RAB19: variants seen among roughly 807,000 people sequenced by gnomAD.
The protein encoded by RAB19 is ras-related protein Rab-19.
In RAB19, 21 loss-of-function variants were observed where a neutral mutation model predicts 17.3. The observed-to-expected ratio is 1.21, with a 90% CI of 0.86 to 1.74. RAB19 has a LOEUF of 1.74. Ranked by LOEUF, RAB19 falls within the 40% of genes most tolerant of loss-of-function variation. The probability of loss-of-function intolerance (pLI) is 0.00; values close to 1 mark genes in which losing one functional copy is unlikely to be tolerated. For missense variants in RAB19, 277 were observed against 286.8 expected (o/e 0.97, Z 0.25); for synonymous variants, 126 against 110.4 (o/e 1.14, Z -0.88).
chr7:140,408,624 C>T (rs1799293688), intron 2 of RAB19, among the ~76,000 whole-genome samples: 1 of 151,944 alleles, frequency 6.6e-6, no homozygotes, highest in African/African-American at 2.4e-5. Context: ...TACAGGTGCA[C>T]ACCACCACAC....
At chr7:140,405,550 C>T (rs9640468) in intron 1 of RAB19, among the ~76,000 whole-genome samples, 92,738 of 147,524 alleles carry the variant, frequency 0.63, 28,751 homozygotes, top group East Asian at 0.81. Flanking sequence ...TAGAGATGGG[C>T]GGGGAGGGGG....
At chr7:140,406,508 T>G (rs947442749) in intron 1 of RAB19, among the ~76,000 whole-genome samples, 1 of 151,096 alleles carries the variant, frequency 6.6e-6, no homozygotes, top group African/African-American at 2.4e-5. Flanking sequence ...GGTGTGGTAG[T>G]GCAGGTCTAT....
chr7:140,424,540 A>G (rs978441901), intron 3 of RAB19, among the ~76,000 whole-genome samples: 1 of 151,254 alleles, frequency 6.6e-6, no homozygotes, highest in Non-Finnish European at 1.5e-5. Context: ...GTTATACAAG[A>G]TATTACCATT....
intron 3 of RAB19, among the ~76,000 whole-genome samples, chr7:140,421,506 C>T (rs908545142): frequency 6.6e-6 from 1 of 152,082 alleles, no homozygotes; most frequent in African/African-American, 2.4e-5. Flanking sequence ...ATTACAGGCA[C>T]GTGCCACTAC....
Position 140,412,051 on chromosome 7 carries a change from C to A in RAB19, c.379C>A (p.Leu127Met), listed in dbSNP as rs1269620334. 1 of 1,610,818 alleles carries A rather than the reference C, an allele frequency of 6.2e-7. No individual in the cohort carries two copies. The highest frequency in any genetic ancestry group is 8.5e-7 in the Non-Finnish European group (1 of 1,179,854). Residue 127 changes from leucine to methionine, a missense_variant, in exon 3 of 4, where the codon CTG (leucine) becomes ATG (methionine). Leu to Met is a conservative substitution (Grantham distance 15, BLOSUM62 2). Coordinates refer to ENST00000537763, the MANE Select transcript of RAB19 (RefSeq NM_001008749.3). ...TGGAGCTGCAAATGTGGTCATTATG[C>A]TGATTGGTATGGCATTTTTGAAGTT... ...KYGAANVVIM[L>M]IGNKCDLWEK...
chr7:140,406,175 G>A (rs1270264749), intron 1 of RAB19, among the ~76,000 whole-genome samples: 2 of 150,100 alleles, frequency 1.3e-5, no homozygotes, highest in African/African-American at 4.9e-5. Flanking sequence ...CCCAGGAGGC[G>A]GAGGTTGCAG....
intron 1 of RAB19, among the ~76,000 whole-genome samples, chr7:140,405,699 TA>T (rs1426793656): frequency 6.9e-6 from 1 of 144,906 alleles, no homozygotes; most frequent in Non-Finnish European, 1.5e-5. Flanking sequence ...ATTTTAAAGT[TA>T]AAAACACAAA....
rs1214664750 is a variant in RAB19 at position 140,412,055 on chromosome 7, T to C, written c.383T>C (p.Ile128Thr). 3.1e-6 allele frequency: 5 copies of C among 1,610,200 alleles called. No individual in the cohort carries two copies. The highest frequency in any genetic ancestry group is 3.4e-6 in the Non-Finnish European group (4 of 1,179,746). The change falls in exon 3 of 4, where the codon ATT (isoleucine) becomes ACT (threonine). Residue 128 changes from isoleucine to threonine, a missense_variant and splice_region_variant. Ile to Thr is a moderately conservative substitution (Grantham distance 89). Coordinates refer to ENST00000537763, the MANE Select transcript of RAB19 (RefSeq NM_001008749.3). ...GCTGCAAATGTGGTCATTATGCTGA[T>C]TGGTATGGCATTTTTGAAGTTTTTA... Reference protein sequence around the residue: ...YGAANVVIMLIGNKCDLWEKR... With the variant: ...YGAANVVIMLTGNKCDLWEKR...
intron 3 of RAB19, among the ~76,000 whole-genome samples, chr7:140,415,524 G>T (rs2130126685): frequency 6.6e-6 from 1 of 152,214 alleles, no homozygotes; most frequent in Non-Finnish European, 1.5e-5. Flanking sequence ...TCAGAGTTCA[G>T]AATTTGTCAG....
rs1052749942 is a variant in RAB19 at position 140,426,948 on chromosome 7, T to A, written c.*798T>A. Among the ~76,000 whole-genome samples, 2 of 150,360 alleles carry A rather than the reference T, an allele frequency of 1.3e-5. No homozygotes were observed. The highest frequency in any genetic ancestry group is 4.9e-5 in the African/African-American group (2 of 40,754). On this transcript the variant is annotated 3_prime_UTR_variant, in exon 4 of 4. Coordinates refer to ENST00000537763, the MANE Select transcript of RAB19 (RefSeq NM_001008749.3). ...CCTCTACCTCCTGGGTTCAAGAGGT[T>A]CTCCCACCTCAGTCTCCCAAGTGGC...
chr7:140,427,165 G>T lies in RAB19; in HGVS notation c.*1015G>T, dbSNP rs1165093167. ...TCTTTTTTTTTTTTTTTTTTTTTGA[G>T]ACTGAGTCTCACTCTGTCACTCAGG... is the stretch of plus-strand genomic sequence containing the variant. On this transcript the variant is annotated 3_prime_UTR_variant, in exon 4 of 4. Transcript: ENST00000537763. Among the ~76,000 whole-genome samples the T allele has an allele frequency of 2.9e-5, 3 of 102,058 alleles. No homozygotes were observed. The highest frequency in any genetic ancestry group is 1.3e-4 in the Admixed American group (1 of 7,906). The allele number at this position is 102,058 out of a possible 152,430, so 67.0% of individuals were successfully genotyped here.
Position 140,417,403 on chromosome 7 carries a change from T to TAAA in RAB19, c.385+5360_385+5362dup, listed in dbSNP as rs35477728. Among the ~76,000 whole-genome samples the TAAA allele has an allele frequency of 4.1e-3, 590 of 143,622 alleles. 3 individuals carry two copies. Among genetic ancestry groups the TAAA allele is most frequent in the African/African-American group, 0.015 (565 of 38,886 alleles). 94.2% of individuals were successfully genotyped at this position (143,622 alleles called of 152,430 possible). A position where few individuals can be genotyped will look rare whatever the true frequency, so the allele number is the denominator to read the frequency against. ...GGTAACAGATGGAGACCCTATCTCT[T>TAAA]AAAAAAAAAAAAAAAATCAAATCCA... On this transcript the variant is annotated intron_variant, in intron 3 of 3. Transcript: ENST00000537763.
At chr7:140,418,495 G>C (rs1799501617) in intron 3 of RAB19, among the ~76,000 whole-genome samples, 2 of 150,346 alleles carry the variant, frequency 1.3e-5, no homozygotes, top group South Asian at 2.1e-4. Context: ...AGAATTGCTT[G>C]AACCCGGGAG....
rs375663345 is a variant in RAB19, at chr7:140,407,860, C to A, written c.201+13C>A. The A allele has an allele frequency of 2.0e-6, 3 of 1,468,116 alleles. No individual in the cohort carries two copies. The highest frequency in any genetic ancestry group is 2.8e-6 in the Non-Finnish European group (3 of 1,052,788). 90.9% of individuals were successfully genotyped at this position (1,468,116 alleles called of 1,614,324 possible). ...CAAAAAAGTGAAGGTCAGAGGGCAC[C>A]GGGACGGGACTGGTTCCACCTTTTT... On this transcript the variant is annotated intron_variant, in intron 2 of 3. Transcript: ENST00000537763.
intron 2 of RAB19, 33 bp downstream of exon 2, chr7:140,407,880 CTTTTTTTTT>C (rs71170993): frequency 0.12 from 77,043 of 636,292 alleles, 1,761 homozygotes; most frequent in Non-Finnish European, 0.15. Flanking sequence ...CTGGTTCCAC[CTTTTTTTTT>C]TTTTTTTTTT....
intron 3 of RAB19, 150 bp from the exon 4 acceptor site, chr7:140,425,732 A>AAAG (rs1178174887): frequency 1.1e-6 from 1 of 877,684 alleles, no homozygotes; most frequent in Non-Finnish European, 1.8e-6. Context: ...CTCAAAAAAA[A>AAAG]AAAGAAACAA....
Position 140,425,997 on chromosome 7 carries a change from C to A in RAB19, c.501C>A (p.Asn167Lys). 2 of 1,614,176 alleles carry A rather than the reference C, an allele frequency of 1.2e-6. No individual in the cohort carries two copies. Among genetic ancestry groups the A allele is most frequent in the South Asian group, 2.2e-5 (2 of 91,084 alleles). Reference sequence around the variant, plus strand: ...AGACATCTGCCAAGGAGTCAAAGAACATAGAAGAAGTCTTCGTGCTCATGG... The same window carrying A: ...AGACATCTGCCAAGGAGTCAAAGAAAATAGAAGAAGTCTTCGTGCTCATGG... ...VLETSAKESK[N>K]IEEVFVLMAK... The change falls in exon 4 of 4, where the codon AAC (asparagine) becomes AAA (lysine). Residue 167 changes from asparagine to lysine, a missense_variant. Asn to Lys is a moderately conservative substitution (Grantham distance 94, BLOSUM62 0). Transcript: ENST00000537763.
Position 140,426,658 on chromosome 7 carries a change from T to G in RAB19, c.*508T>G, listed in dbSNP as rs1043957828. 2.0e-5 allele frequency among the ~76,000 whole-genome samples: 3 copies of G among 152,100 alleles called. No homozygotes were observed. Among genetic ancestry groups the G allele is most frequent in the Admixed American group, 6.6e-5 (1 of 15,246 alleles). On this transcript the variant is annotated 3_prime_UTR_variant, in exon 4 of 4. Transcript: ENST00000537763. Reference sequence around the variant, plus strand: ...TGCTGCTATCATTTTGTTCCTGACATTCACACCTCAGGTCTTCACTTTGGG... The same window carrying G: ...TGCTGCTATCATTTTGTTCCTGACAGTCACACCTCAGGTCTTCACTTTGGG...
chr7:140,424,166 T>TC (rs1799610857), intron 3 of RAB19, among the ~76,000 whole-genome samples: 1 of 144,726 alleles, frequency 6.9e-6, no homozygotes, highest in African/African-American at 2.6e-5. Context: ...ATAATTTTTT[T>TC]TTTTTTTTGA....
Sources: allele counts gnomAD v4.1 joint callset (sites outside exome capture counted in the v4.1 genomes callset), GRCh38; gene constraint gnomAD v4.1.1; transcripts MANE v1.5; gene names NCBI Gene and HGNC (gene_info 2026-07-23, HGNC 2026-07-21).